Variants in NDRG3 observed in about 807,000 individuals in gnomAD.
NDRG3 encodes protein NDRG3.
In NDRG3, 23 loss-of-function variants were observed where a neutral mutation model predicts 57.2. The ratio of observed to expected loss-of-function variants is 0.40; its 90% CI spans 0.29 to 0.57. The LOEUF is 0.57. NDRG3 is among the 20% of genes least tolerant of loss of function. The probability of loss-of-function intolerance (pLI) is 0.42; values close to 1 mark genes in which losing one functional copy is unlikely to be tolerated. For synonymous variants in NDRG3, 132 were observed against 162.6 expected, an observed-to-expected ratio of 0.81 and a Z score of 1.43; for missense variants, 384 against 457.3, an observed-to-expected ratio of 0.84 and a Z score of 1.46.
chr20:36,677,406 C>T (rs972751865), intron 8 of NDRG3, among the ~76,000 whole-genome samples: 5 of 152,214 alleles, frequency 3.3e-5, no homozygotes, highest in Non-Finnish European at 7.3e-5. Context: ...GGCACCTCTT[C>T]CCGGCCTGCC....
At position 36,660,400 on chromosome 20, in the gene NDRG3, A is replaced by G. The variant is rs753714001; in HGVS notation, c.811-16T>C. On this transcript the variant is annotated splice_polypyrimidine_tract_variant and intron_variant, in intron 12 of 15. Transcript: ENST00000349004. ...TGCATTCGACCTAAAATTTAAAAAA[A>G]GAGAAGAAAATAATTTTATGAGTTG... 1.1e-5 allele frequency: 18 copies of G among 1,603,592 alleles called. No homozygotes were observed. Among genetic ancestry groups the G allele is most frequent in the Non-Finnish European group, 1.5e-5 (18 of 1,172,388 alleles).
intron 7 of NDRG3, among the ~76,000 whole-genome samples, 161 bp downstream of exon 7, chr20:36,682,357 G>A (rs1353159848): frequency 6.6e-6 from 1 of 152,128 alleles, no homozygotes; most frequent in Non-Finnish European, 1.5e-5. Context: ...GTATTGTTAA[G>A]TACAAAGCTA....
chr20:36,660,301 T>C (rs749283917), intron 13 of NDRG3, 36 bp downstream of exon 13: 23 of 1,504,984 alleles, frequency 1.5e-5, no homozygotes, highest in African/African-American at 2.8e-5. Flanking sequence ...CTGAAGCACA[T>C]ATAAGGGTTG....
chr20:36,710,377 CAG>C (rs1479824770), intron 2 of NDRG3, among the ~76,000 whole-genome samples: 2 of 151,842 alleles, frequency 1.3e-5, no homozygotes, highest in African/African-American at 2.4e-5. Flanking sequence ...GCTGCTTCTG[CAG>C]AGAGAGGTTA....
At chr20:36,676,227 G>A (rs377228143) in intron 8 of NDRG3, among the ~76,000 whole-genome samples, 16 of 151,904 alleles carry the variant, frequency 1.1e-4, no homozygotes, top group African/African-American at 3.1e-4. Flanking sequence ...GCGACACAGC[G>A]AGATCCGTCT....
At chr20:36,715,638 T>A (rs1011892972) in intron 2 of NDRG3, among the ~76,000 whole-genome samples, 2 of 150,256 alleles carry the variant, frequency 1.3e-5, no homozygotes, top group Non-Finnish European at 3.0e-5. Context: ...GGCAACAAAG[T>A]GAGACCTCTT....
chr20:36,730,288 C>T (rs1055105210), intron 1 of NDRG3, among the ~76,000 whole-genome samples: 11 of 150,808 alleles, frequency 7.3e-5, no homozygotes, highest in African/African-American at 2.7e-4. Flanking sequence ...CAGGGTCTTG[C>T]TTTGTCACTC....
At chr20:36,656,661 T>C (rs1177235784) in intron 13 of NDRG3, 129 bp from the exon 14 acceptor site, 1 of 868,700 alleles carries the variant, frequency 1.2e-6, no homozygotes, top group Non-Finnish European at 1.9e-6. Flanking sequence ...AGTTTGCATC[T>C]CAATGCACCT....
intron 1 of NDRG3, among the ~76,000 whole-genome samples, chr20:36,730,311 G>C (rs539411963): frequency 6.6e-6 from 1 of 151,634 alleles, no homozygotes; most frequent in South Asian, 2.1e-4. Flanking sequence ...CTGGAGTGCA[G>C]TGGCACCATC....
intron 2 of NDRG3, among the ~76,000 whole-genome samples, chr20:36,717,501 A>T (rs180995247): frequency 6.6e-6 from 1 of 152,356 alleles, no homozygotes; most frequent in African/African-American, 2.4e-5. Flanking sequence ...CTATAGGATT[A>T]ACACAGTGGA....
At chr20:36,699,765 T>C (rs1983087171) in intron 3 of NDRG3, among the ~76,000 whole-genome samples, 2 of 151,072 alleles carry the variant, frequency 1.3e-5, no homozygotes, top group African/African-American at 4.9e-5. Context: ...CCAGGGAAGG[T>C]CAGGAGAAGG....
intron 7 of NDRG3, among the ~76,000 whole-genome samples, chr20:36,681,710 T>A (rs1171510749): frequency 5.9e-5 from 9 of 152,062 alleles, no homozygotes; most frequent in African/African-American, 1.7e-4. Context: ...AATTTAATTT[T>A]CTTTTTGAGA....
chr20:36,730,034 G>A (rs1021566725), intron 1 of NDRG3, among the ~76,000 whole-genome samples: 65 of 151,650 alleles, frequency 4.3e-4, no homozygotes, highest in African/African-American at 1.5e-3. Flanking sequence ...ATCACCTGAG[G>A]TCAGGAGTTT....
At chr20:36,706,948 CCTT>C in intron 3 of NDRG3, 21 bp downstream of exon 3, 1 of 1,608,852 alleles carries the variant, frequency 6.2e-7, no homozygotes, top group African/African-American at 1.3e-5. Flanking sequence ...TACAGAGCCT[CCTT>C]CTTGCTTGTA....
chr20:36,703,088 AT>A (rs1403509918), intron 3 of NDRG3, among the ~76,000 whole-genome samples: 2 of 151,946 alleles, frequency 1.3e-5, no homozygotes, highest in African/African-American at 2.4e-5. Flanking sequence ...AGCAATCTTT[AT>A]TTTTATGCTT....
rs780222130 is a variant in NDRG3, at chr20:36,665,031, T to C, written c.810+15A>G. 5 of 1,613,402 alleles carry C rather than the reference T, an allele frequency of 3.1e-6. No individual in the cohort carries two copies. The Admixed American group carries it at 5.0e-5, about 16-fold the overall frequency. On this transcript the variant is annotated intron_variant, in intron 12 of 15. Transcript: ENST00000349004. ...TTTGATCTCATTCATCTTCACAGCA[T>C]GAGGACATACTTACCACAGCCTCAA... is the stretch of plus-strand genomic sequence containing the variant.
intron 1 of NDRG3, among the ~76,000 whole-genome samples, chr20:36,740,956 C>A (rs116906545): frequency 6.6e-6 from 1 of 151,956 alleles, no homozygotes; most frequent in African/African-American, 2.4e-5. Context: ...GCTAAGTTTT[C>A]GTGTGCTATT....
intron 5 of NDRG3, among the ~76,000 whole-genome samples, chr20:36,686,737 C>T (rs902463435): frequency 1.3e-5 from 2 of 152,206 alleles, no homozygotes; most frequent in African/African-American, 4.8e-5. Context: ...TCAGAATAAA[C>T]AGTTACACAG....
At chr20:36,679,978 C>T (rs1424320162) in intron 8 of NDRG3, among the ~76,000 whole-genome samples, 2 of 151,414 alleles carry the variant, frequency 1.3e-5, no homozygotes, top group African/African-American at 4.9e-5. Flanking sequence ...GCATGCACCA[C>T]CACACCCGAC....
Sources: gnomAD v4.1 joint callset for allele counts (sites outside exome capture counted in the v4.1 genomes callset) on GRCh38, gnomAD v4.1.1 for gene constraint, MANE v1.5 for transcripts, NCBI Gene and HGNC (gene_info 2026-07-23, HGNC 2026-07-21) for gene names.